Variants in MZT2B observed in about 807,000 individuals in gnomAD.
MZT2B encodes the protein mitotic-spindle organizing protein 2B.
A neutral mutation model predicts 12.1 loss-of-function variants in MZT2B; 11 were observed. That is an observed-to-expected ratio of 0.91 (90% CI 0.57 to 1.50). MZT2B has a LOEUF of 1.50. MZT2B is among the 40% of genes most tolerant of loss of function. The pLI is 0.00. For missense variants in MZT2B, 209 were observed against 227.7 expected (o/e 0.92, Z 0.53); for synonymous variants, 85 against 109.5 (o/e 0.78, Z 1.40).
intron 2 of MZT2B, chr2:130,183,599 C>T: frequency 1.0e-6 from 1 of 968,246 alleles, no homozygotes; most frequent in African/African-American, 1.6e-5. Flanking sequence ...TGGCTCCCTG[C>T]CTGGAAGCAC....
upstream of MZT2B, chr2:130,181,898 T>C (rs2104950429): frequency 6.8e-7 from 1 of 1,465,480 alleles, no homozygotes; most frequent in East Asian, 2.9e-5. Flanking sequence ...CCCCTAGTGG[T>C]GCACCGGTGC....
At chr2:130,183,132 G>A (rs1689852729) in intron 2 of MZT2B, 1 of 411,358 alleles carries the variant, frequency 2.4e-6, no homozygotes, top group Non-Finnish European at 4.4e-6. Flanking sequence ...GGACCCCAGG[G>A]CGGGAGGATC....
the MZT2B span, among the ~76,000 whole-genome samples, chr2:130,203,404 G>A: frequency 1.8e-4 from 27 of 152,068 alleles, no homozygotes; most frequent in African/African-American, 5.1e-4. Flanking sequence ...TCCAGGTCTC[G>A]TCACTTCCAG....
At chr2:130,196,605 C>A in the MZT2B span, among the ~76,000 whole-genome samples, 1 of 152,194 alleles carries the variant, frequency 6.6e-6, no homozygotes, top group Admixed American at 6.5e-5. Flanking sequence ...TTTGCCACTA[C>A]ACAAAACTTA....
the MZT2B span, chr2:130,204,192 A>G: frequency 2.4e-6 from 3 of 1,240,954 alleles, no homozygotes; most frequent in Non-Finnish European, 3.2e-6. Context: ...CTTCAGAGAC[A>G]TTGAAATCCC....
chr2:130,187,987 TG>T (rs1207930723), intron 2 of MZT2B: 1 of 151,368 alleles, frequency 6.6e-6, no homozygotes, highest in East Asian at 1.9e-4. Context: ...GGGGCAGCAA[TG>T]AACTGTGATT....
In MZT2B at chr2:130,187,491, G is replaced by T. The variant is rs575912706; in HGVS notation, c.320-2978G>T. On this transcript the variant is annotated intron_variant, in intron 2 of 2. Transcript: ENST00000281871. Reference sequence around the variant, plus strand: ...GGCATGAGCCACTGACCCCTGCTGAGCCAGGCTGTTTTCAACATTCAATGG... The same window carrying T: ...GGCATGAGCCACTGACCCCTGCTGATCCAGGCTGTTTTCAACATTCAATGG... Among the ~76,000 whole-genome samples the T allele has an allele frequency of 2.9e-3, 444 of 152,320 alleles. 2 individuals are homozygous for T. The highest frequency in any genetic ancestry group is 0.01 in the African/African-American group (416 of 41,564).
chr2:130,182,262 A>G lies in MZT2B; in HGVS notation c.-21A>G, dbSNP rs1689725930. ...TAGGGGGCGCGGCGGGGCGGAGCGC[A>G]CCTTTCCGCGGGCCGCGGGGATGGC... On this transcript the variant is annotated 5_prime_UTR_variant, in exon 1 of 3. Coordinates refer to ENST00000281871, the MANE Select transcript of MZT2B (RefSeq NM_025029.5). 2 of 1,289,188 alleles carry G rather than the reference A, an allele frequency of 1.6e-6. No individual in the cohort carries two copies. The highest frequency in any genetic ancestry group is 3.3e-5 in the East Asian group (1 of 30,470). The allele number at this position is 1,289,188 out of a possible 1,614,324, so 79.9% of individuals were successfully genotyped here.
At chr2:130,191,732 A>C, downstream of MZT2B, 3 of 1,533,230 alleles carry the variant, frequency 2.0e-6, no homozygotes, top group African/African-American at 1.4e-5. Context: ...AAGCTGCATG[A>C]CACTCAGAGG....
chr2:130,193,592 G>A (rs1393066662), downstream of MZT2B, among the ~76,000 whole-genome samples: 2 of 131,846 alleles, frequency 1.5e-5, no homozygotes, highest in African/African-American at 5.8e-5. Flanking sequence ...CTGGTCGACA[G>A]AGCAAGACTG....
chr2:130,192,141 G>A (rs375471365), downstream of MZT2B: 1 of 1,588,836 alleles, frequency 6.3e-7, no homozygotes, highest in Non-Finnish European at 8.6e-7. Flanking sequence ...CCAGAGAAGG[G>A]AAAGAAAGCA....
chr2:130,189,973 G>A (rs2104740598), intron 2 of MZT2B, among the ~76,000 whole-genome samples: 1 of 152,292 alleles, frequency 6.6e-6, no homozygotes, highest in Admixed American at 6.5e-5. Context: ...ATCAAAATCA[G>A]AAACCCAATT....
the MZT2B span, among the ~76,000 whole-genome samples, chr2:130,199,475 G>A: frequency 3.3e-5 from 4 of 122,180 alleles, no homozygotes; most frequent in Non-Finnish European, 5.4e-5. Flanking sequence ...CCTTGAACCC[G>A]GGAGGCAGAG....
intron 2 of MZT2B, chr2:130,184,955 A>C (rs1690001151): frequency 1.6e-5 from 14 of 890,930 alleles, no homozygotes; most frequent in Admixed American, 6.2e-5. Context: ...CCTTGAGCTC[A>C]GGAGTTCAAG....
At chr2:130,195,301 T>G, downstream of MZT2B, 1 of 1,563,810 alleles carries the variant, frequency 6.4e-7, no homozygotes. Flanking sequence ...CCAGGAGTGT[T>G]CACTTCTACA....
At chr2:130,195,126 T>C, downstream of MZT2B, 5 of 1,613,198 alleles carry the variant, frequency 3.1e-6, no homozygotes, top group Non-Finnish European at 4.2e-6. Flanking sequence ...TCCTTGCCGA[T>C]GGTGTAATGG....
chr2:130,204,707 G>A, the MZT2B span, among the ~76,000 whole-genome samples: 5 of 60,568 alleles, frequency 8.3e-5, no homozygotes, highest in African/African-American at 1.4e-4. Context: ...AAAAAAAAGG[G>A]GGGGTGGGGA....
intron 2 of MZT2B, among the ~76,000 whole-genome samples, chr2:130,188,542 C>T (rs548510574): frequency 2.4e-3 from 360 of 152,308 alleles, no homozygotes; most frequent in African/African-American, 8.1e-3. Context: ...CATCACCCAC[C>T]ACGTGTTCCT....
In MZT2B at chr2:130,183,957, C is replaced by T. The variant is rs1035896915; in HGVS notation, c.319+1182C>T. On this transcript the variant is annotated intron_variant, in intron 2 of 2. Transcript: ENST00000281871. Reference sequence around the variant, plus strand: ...CCGCCTCTCTTGCTGCCTGTTCTCTCCTTTTGCAGGTTGCGTTTATTGGCT... The same window carrying T: ...CCGCCTCTCTTGCTGCCTGTTCTCTTCTTTTGCAGGTTGCGTTTATTGGCT... The T allele has an allele frequency of 1.8e-5, 28 of 1,550,442 alleles. No homozygotes were observed. The African/African-American group carries it at 3.1e-4, about 17-fold the overall frequency.
Sources: allele counts gnomAD v4.1 joint callset (sites outside exome capture counted in the v4.1 genomes callset), GRCh38; gene constraint gnomAD v4.1.1; transcripts MANE v1.5; gene names NCBI Gene and HGNC (gene_info 2026-07-23, HGNC 2026-07-21).